Variants in KIF26B observed in about 807,000 individuals in gnomAD.
The protein encoded by KIF26B is kinesin family member 26B.
KIF26B carries 63 observed loss-of-function variants against 151.2 expected under a neutral mutation model. The ratio of observed to expected loss-of-function variants is 0.42; its 90% CI spans 0.34 to 0.51. The LOEUF is 0.51. Ranked by LOEUF, KIF26B falls within the 20% of genes least tolerant of loss-of-function variation. The pLI is 0.07. For missense variants in KIF26B, 2,813 were observed against 2,913.6 expected, an observed-to-expected ratio of 0.97 and a Z score of 0.79; for synonymous variants, 1,357 against 1,262.1, an observed-to-expected ratio of 1.08 and a Z score of -1.59.
chr1:245,438,133 C>A (rs373218611), intron 4 of KIF26B, among the ~76,000 whole-genome samples: 1 of 152,180 alleles, frequency 6.6e-6, no homozygotes, highest in African/African-American at 2.4e-5. Context: ...AAATAATACA[C>A]CCCAGCTGGT....
At chr1:245,677,966 G>A (rs1364915087) in intron 10 of KIF26B, among the ~76,000 whole-genome samples, 2 of 152,174 alleles carry the variant, frequency 1.3e-5, no homozygotes, top group Non-Finnish European at 2.9e-5. Flanking sequence ...AAGGAACTGC[G>A]GAGATGCTGC....
At chr1:245,396,798 C>T (rs935948057) in intron 3 of KIF26B, among the ~76,000 whole-genome samples, 2 of 152,290 alleles carry the variant, frequency 1.3e-5, no homozygotes, top group South Asian at 4.1e-4. Context: ...AGGGACTAAC[C>T]TTGTCTCTCC....
At chr1:245,523,622 T>C (rs915276979) in intron 4 of KIF26B, among the ~76,000 whole-genome samples, 3 of 152,226 alleles carry the variant, frequency 2.0e-5, no homozygotes, top group Admixed American at 1.3e-4. Flanking sequence ...TGTCTTCACA[T>C]GGCAGAAGGG....
In KIF26B at chr1:245,688,465, G is replaced by C. The variant is rs1010796791; in HGVS notation, c.5482G>C (p.Glu1828Gln). Residue 1828 changes from glutamate (E) to glutamine (Q), a missense_variant, in exon 12 of 15, where the codon GAG (glutamate) becomes CAG (glutamine). Glu to Gln is a conservative substitution (Grantham distance 29). Coordinates refer to ENST00000407071, the MANE Select transcript of KIF26B (RefSeq NM_018012.4). ...ARGLQLRAGP[E>Q]AEARGGALAE... is the part of the protein sequence containing the mutation. ...GGGCTTGCAGCTGCGGGCCGGGCCC[G>C]AGGCGGAGGCGCGCGGGGGGGCCCT... 1.5e-6 allele frequency: 2 copies of C among 1,370,748 alleles called. No individual in the cohort carries two copies. The highest frequency in any genetic ancestry group is 7.8e-5 in the Admixed American group (2 of 25,604). The allele number at this position is 1,370,748 out of a possible 1,614,324, so 84.9% of individuals were successfully genotyped here. A position where few individuals can be genotyped will look rare whatever the true frequency, so the allele number is the denominator to read the frequency against.
At chr1:245,278,663 C>T (rs1670981097) in intron 2 of KIF26B, among the ~76,000 whole-genome samples, 2 of 152,134 alleles carry the variant, frequency 1.3e-5, no homozygotes, top group Non-Finnish European at 1.5e-5. Context: ...CTACCTACTC[C>T]TACCCTCACA....
At chr1:245,514,309 T>G (rs1660902317) in intron 4 of KIF26B, among the ~76,000 whole-genome samples, 1 of 152,030 alleles carries the variant, frequency 6.6e-6, no homozygotes, top group Non-Finnish European at 1.5e-5. Context: ...GGCGGATCAC[T>G]TGAGGTCAGG....
chr1:245,659,706 G>T (rs2044112965), intron 10 of KIF26B, among the ~76,000 whole-genome samples: 1 of 152,104 alleles, frequency 6.6e-6, no homozygotes. Context: ...GCAGTTAAAA[G>T]TCACATTATC....
At chr1:245,280,530 C>CAAAAAAAAAAAAAAA (rs1170207967) in intron 2 of KIF26B, among the ~76,000 whole-genome samples, 1 of 79,606 alleles carries the variant, frequency 1.3e-5, no homozygotes, top group Admixed American at 1.6e-4. Flanking sequence ...GACTCTGTCT[C>CAAAAAAAAAAAAAAA]AAAAAAAAAA....
At chr1:245,522,153 G>A (rs1356446227) in intron 4 of KIF26B, among the ~76,000 whole-genome samples, 6 of 152,156 alleles carry the variant, frequency 3.9e-5, no homozygotes, top group Admixed American at 2.0e-4. Context: ...ACAGGTGTGA[G>A]CCACCGCGCC....
chr1:245,668,611 T>C (rs1184091477), intron 10 of KIF26B, among the ~76,000 whole-genome samples: 1 of 152,256 alleles, frequency 6.6e-6, no homozygotes, highest in African/African-American at 2.4e-5. Flanking sequence ...CTGTTCTTTG[T>C]GCCAAGTGCC....
At chr1:245,421,230 C>T (rs916172336) in intron 4 of KIF26B, among the ~76,000 whole-genome samples, 1 of 151,990 alleles carries the variant, frequency 6.6e-6, no homozygotes, top group East Asian at 1.9e-4. Context: ...CACAGAAGCT[C>T]CTAGGAGGTT....
At chr1:245,619,167 G>T (rs1308652728) in intron 9 of KIF26B, among the ~76,000 whole-genome samples, 2 of 144,696 alleles carry the variant, frequency 1.4e-5, no homozygotes, top group Non-Finnish European at 3.0e-5. Context: ...TAAACTATGG[G>T]TTCCTTGAGA....
In KIF26B at chr1:245,296,150, G is replaced by C. The variant is rs906206803; in HGVS notation, c.466-70684G>C. Among the ~76,000 whole-genome samples the C allele has an allele frequency of 2.0e-5, 3 of 150,326 alleles. No individual in the cohort carries two copies. In the Admixed American group the frequency reaches 2.0e-4, roughly 10 times the overall value. ...ATGACTTTGGGGAAGGAAGTTTTAG[G>C]GTTCAGCAACCTTTCACGTTTTGTC... On this transcript the variant is annotated intron_variant, in intron 2 of 14. Coordinates refer to ENST00000407071, the MANE Select transcript of KIF26B (RefSeq NM_018012.4).
chr1:245,464,517 A>C (rs746332240), intron 4 of KIF26B, among the ~76,000 whole-genome samples: 1 of 101,978 alleles, frequency 9.8e-6, no homozygotes, highest in Non-Finnish European at 2.0e-5. Context: ...GCATGTGTGG[A>C]TGTGTGGCAC....
intron 2 of KIF26B, among the ~76,000 whole-genome samples, chr1:245,238,474 A>T (rs950171653): frequency 1.3e-5 from 2 of 152,202 alleles, no homozygotes; most frequent in Non-Finnish European, 2.9e-5. Context: ...TTGCAGATCA[A>T]CCTATCCATC....
In KIF26B at chr1:245,441,588, C is replaced by G. The variant is rs982860585; in HGVS notation, c.1166+21843C>G. ...TTCACTCGGCTAACGTGTGTGAGTCCGACAGTAACGAGCAACGCAGACCCC... is the reference window on the plus strand; with the variant it reads ...TTCACTCGGCTAACGTGTGTGAGTCGGACAGTAACGAGCAACGCAGACCCC... On this transcript the variant is annotated intron_variant, in intron 4 of 14. Coordinates refer to ENST00000407071, the MANE Select transcript of KIF26B (RefSeq NM_018012.4). Among the ~76,000 whole-genome samples, 4 of 151,836 alleles carry G rather than the reference C, an allele frequency of 2.6e-5. No homozygotes were observed. The East Asian group carries it at 5.8e-4, about 22-fold the overall frequency.
Position 245,632,024 on chromosome 1 carries a change from T to G in KIF26B, c.2099-14097T>G, listed in dbSNP as rs367603596. Among the ~76,000 whole-genome samples the G allele has an allele frequency of 1.8e-3, 274 of 152,004 alleles. 1 individual carries two copies. Among genetic ancestry groups the G allele is most frequent in the Non-Finnish European group, 2.9e-3 (195 of 67,918 alleles). On this transcript the variant is annotated intron_variant, in intron 9 of 14. Coordinates refer to ENST00000407071, the MANE Select transcript of KIF26B (RefSeq NM_018012.4). ...TTATTTTCTTGATCCTTTGTAATTTTTGTGTGTGTGTGTGTTTATTTCGTC... is the reference window on the plus strand; with the variant it reads ...TTATTTTCTTGATCCTTTGTAATTTGTGTGTGTGTGTGTGTTTATTTCGTC...
chr1:245,480,123 CA>C (rs1660134587), intron 4 of KIF26B, among the ~76,000 whole-genome samples: 1 of 151,276 alleles, frequency 6.6e-6, no homozygotes, highest in Non-Finnish European at 1.5e-5. Flanking sequence ...AAACAACAAA[CA>C]AAAAACTAGC....
At chr1:245,583,459 A>G (rs572150312) in intron 5 of KIF26B, among the ~76,000 whole-genome samples, 15 of 152,348 alleles carry the variant, frequency 9.8e-5, no homozygotes, top group Admixed American at 4.6e-4. Flanking sequence ...GCCTGCCACC[A>G]TCAGTTCCCC....
Sources: allele counts gnomAD v4.1 joint callset (sites outside exome capture counted in the v4.1 genomes callset), GRCh38; gene constraint gnomAD v4.1.1; transcripts MANE v1.5; gene names NCBI Gene and HGNC (gene_info 2026-07-23, HGNC 2026-07-21).